LINC01488: variants seen among roughly 807,000 people sequenced by gnomAD.
LINC01488 encodes CCND1-upstream intergenic DNA repair 1.
At chr11:69,490,310 A>T (rs1476175906) in intron 1 of LINC01488, among the ~76,000 whole-genome samples, 2 of 152,212 alleles carry the variant, frequency 1.3e-5, no homozygotes, top group Non-Finnish European at 2.9e-5. Flanking sequence ...GAGGCGTGGG[A>T]TCTGGGGCGT....
chr11:69,485,215 A>C (rs551327358), intron 1 of LINC01488, among the ~76,000 whole-genome samples: 1 of 152,332 alleles, frequency 6.6e-6, no homozygotes, highest in South Asian at 2.1e-4. Context: ...AGAGAGTAGG[A>C]GAGGCAAAGG....
Position 69,487,675 on chromosome 11 carries a change from G to T in LINC01488, n.123-2820G>T, listed in dbSNP as rs141767555. 3.4e-3 allele frequency among the ~76,000 whole-genome samples: 515 copies of T among 152,280 alleles called. 3 individuals carry two copies. Among genetic ancestry groups the T allele is most frequent in the African/African-American group, 0.012 (491 of 41,544 alleles). On this transcript the variant is annotated intron_variant and non_coding_transcript_variant, in intron 1 of 3. Coordinates refer to ENST00000644563, the Ensembl canonical transcript of LINC01488. ...TAAGGGGACCAGTGTGGCACAGCAG[G>T]GTGCTCCCCAGGCAGGTGTGGGTGG... is the stretch of plus-strand genomic sequence containing the variant.
At chr11:69,487,227 GGGA>G (rs763567485) in intron 1 of LINC01488, among the ~76,000 whole-genome samples, 122 of 152,334 alleles carry the variant, frequency 8.0e-4, no homozygotes, top group Non-Finnish European at 1.5e-3. Context: ...AGTAGCGGGA[GGGA>G]GGAGGAGAGC....
chr11:69,487,935 A>G (rs1857151536), intron 1 of LINC01488: 1 of 152,140 alleles, frequency 6.6e-6, no homozygotes, highest in African/African-American at 2.4e-5. Flanking sequence ...CGCCTTAGAG[A>G]TCTCTATTCT....
At chr11:69,485,079 T>C (rs1390090520) in intron 1 of LINC01488, among the ~76,000 whole-genome samples, 2 of 152,072 alleles carry the variant, frequency 1.3e-5, no homozygotes, top group African/African-American at 2.4e-5. Context: ...TGTCACTGCG[T>C]ATGGGAAGTG....
Position 69,488,899 on chromosome 11 carries a change from C to T in LINC01488, n.123-1596C>T, listed in dbSNP as rs547940031. On this transcript the variant is annotated intron_variant and non_coding_transcript_variant, in intron 1 of 3. Coordinates refer to ENST00000644563, the Ensembl canonical transcript of LINC01488. ...GCCCTGCACAGCCGTAGCCTTGACA[C>T]GCGTCTCTCCTTCCTGAGCCTTGGT... Among the ~76,000 whole-genome samples, 105 of 152,326 alleles carry T rather than the reference C, an allele frequency of 6.9e-4. 1 individual carries two copies. The highest frequency in any genetic ancestry group is 3.0e-3 in the Admixed American group (46 of 15,314).
chr11:69,484,266 C>A (rs571295943), intron 1 of LINC01488, among the ~76,000 whole-genome samples: 2 of 152,158 alleles, frequency 1.3e-5, no homozygotes, highest in African/African-American at 4.8e-5. Flanking sequence ...GGAGAGTCAG[C>A]GCTGCCCGGT....
intron 1 of LINC01488, among the ~76,000 whole-genome samples, chr11:69,489,213 G>A (rs979430483): frequency 6.6e-6 from 1 of 151,398 alleles, no homozygotes; most frequent in African/African-American, 2.4e-5. Flanking sequence ...GACCCCAGAC[G>A]CCCTCTGGTC....
At chr11:69,483,837 G>A (rs948808777) in intron 1 of LINC01488, among the ~76,000 whole-genome samples, 5 of 152,358 alleles carry the variant, frequency 3.3e-5, no homozygotes, top group South Asian at 4.1e-4. Context: ...CGGCTGGCGG[G>A]CAGCAAATGA....
chr11:69,484,247 A>G (rs1434872589), intron 1 of LINC01488, among the ~76,000 whole-genome samples: 1 of 152,186 alleles, frequency 6.6e-6, no homozygotes, highest in Non-Finnish European at 1.5e-5. Flanking sequence ...ACAGGAGGTC[A>G]TGGGAGAAGG....
intron 1 of LINC01488, chr11:69,485,866 G>C (rs1857106956): frequency 6.6e-6 from 1 of 152,256 alleles, no homozygotes; most frequent in Admixed American, 6.5e-5. Flanking sequence ...GCAGGGGCGA[G>C]GTAGCAGGAC....
chr11:69,486,907 C>T (rs939945435), intron 1 of LINC01488, among the ~76,000 whole-genome samples: 3 of 152,228 alleles, frequency 2.0e-5, no homozygotes, highest in Non-Finnish European at 4.4e-5. Flanking sequence ...TGGATGTCAG[C>T]TCTGAACCAC....
intron 1 of LINC01488, chr11:69,487,789 C>T (rs1052068098): frequency 1.3e-5 from 2 of 152,202 alleles, no homozygotes; most frequent in Non-Finnish European, 2.9e-5. Flanking sequence ...AGGCAGAAAT[C>T]TTGTCCAAAG....
chr11:69,484,669 G>A (rs1271238164), intron 1 of LINC01488, among the ~76,000 whole-genome samples: 3 of 152,248 alleles, frequency 2.0e-5, no homozygotes, highest in South Asian at 4.1e-4. Context: ...TGCCAAGTGG[G>A]CCGGCCCTGT....
intron 1 of LINC01488, among the ~76,000 whole-genome samples, chr11:69,483,896 A>T (rs1857074315): frequency 6.6e-6 from 1 of 152,128 alleles, no homozygotes; most frequent in African/African-American, 2.4e-5. Context: ...GCCGGAAACC[A>T]GGGGCTCTGT....
At chr11:69,485,078 G>A (rs373972588) in intron 1 of LINC01488, among the ~76,000 whole-genome samples, 14 of 152,322 alleles carry the variant, frequency 9.2e-5, no homozygotes, top group African/African-American at 2.6e-4. Context: ...ATGTCACTGC[G>A]TATGGGAAGT....
chr11:69,486,218 T>A (rs915732447), intron 1 of LINC01488: 1 of 152,146 alleles, frequency 6.6e-6, no homozygotes, highest in Admixed American at 6.6e-5. Context: ...GTCACTAGCA[T>A]CCCCAGGGAC....
exon 2 of LINC01488, chr11:69,490,527 G>C (rs893017109): frequency 6.6e-6 from 1 of 152,234 alleles, no homozygotes; most frequent in Non-Finnish European, 1.5e-5. Flanking sequence ...TAAAACAATG[G>C]AAGCAGGTGA....
intron 1 of LINC01488, among the ~76,000 whole-genome samples, chr11:69,485,023 C>T (rs1354506749): frequency 6.6e-6 from 1 of 152,206 alleles, no homozygotes; most frequent in Non-Finnish European, 1.5e-5. Flanking sequence ...AACCACCCAA[C>T]CCCCCGCCAC....
Sources: allele counts gnomAD v4.1 joint callset (sites outside exome capture counted in the v4.1 genomes callset), GRCh38; gene constraint gnomAD v4.1.1; transcripts MANE v1.5; gene names NCBI Gene and HGNC (gene_info 2026-07-23, HGNC 2026-07-21).